TENM3: variants seen among roughly 807,000 people sequenced by gnomAD.
TENM3 encodes teneurin transmembrane protein 3.
Under a neutral mutation model 255.1 loss-of-function variants are expected in TENM3, and 63 were observed. The observed-to-expected ratio is 0.25, with a 90% CI of 0.20 to 0.30. TENM3 has a LOEUF of 0.30. Ranked by LOEUF, TENM3 falls within the 10% of genes least tolerant of loss-of-function variation. The pLI is 1.00. For missense variants in TENM3, 2,929 were observed against 3,461.1 expected, an observed-to-expected ratio of 0.85 and a Z score of 3.86; for synonymous variants, 1,306 against 1,322.3, an observed-to-expected ratio of 0.99 and a Z score of 0.27.
intron 3 of TENM3, among the ~76,000 whole-genome samples, chr4:182,531,240 T>G (rs1739753534): frequency 6.6e-6 from 1 of 152,216 alleles, no homozygotes; most frequent in South Asian, 2.1e-4. Context: ...ACTGTTTTGT[T>G]ATAAATAACT....
chr4:182,193,812 T>C (rs772777269), intron 1 of TENM3, among the ~76,000 whole-genome samples: 9 of 152,322 alleles, frequency 5.9e-5, no homozygotes, highest in Non-Finnish European at 1.3e-4. Flanking sequence ...TGAAATGCTT[T>C]TATTATAGTT....
At chr4:181,984,880 T>C in the TENM3 span, among the ~76,000 whole-genome samples, 1 of 149,200 alleles carries the variant, frequency 6.7e-6, no homozygotes, top group African/African-American at 2.5e-5. Context: ...CACTGCTGTA[T>C]GAAAATAAAA....
At chr4:182,031,145 T>G in the TENM3 span, among the ~76,000 whole-genome samples, 1 of 152,218 alleles carries the variant, frequency 6.6e-6, no homozygotes, top group African/African-American at 2.4e-5. Flanking sequence ...ATGTCCTGAA[T>G]GGTATTTCCC....
the TENM3 span, among the ~76,000 whole-genome samples, chr4:181,605,558 GAA>G: frequency 0.022 from 617 of 28,402 alleles, 37 homozygotes; most frequent in Admixed American, 0.031. Context: ...AAGAAAGAAA[GAA>G]AGAAAGAAAG....
chr4:182,522,398 C>A (rs997806902), intron 3 of TENM3, among the ~76,000 whole-genome samples: 1 of 152,138 alleles, frequency 6.6e-6, no homozygotes, highest in Non-Finnish European at 1.5e-5. Flanking sequence ...CCATGAGATC[C>A]ACTTTTCTCA....
At chr4:181,705,132 C>CATTAAATAA in the TENM3 span, among the ~76,000 whole-genome samples, 1 of 151,978 alleles carries the variant, frequency 6.6e-6, no homozygotes, top group Non-Finnish European at 1.5e-5. Context: ...GGGGAATGGT[C>CATTAAATAA]ATTAAATAAA....
chr4:181,694,597 G>A, the TENM3 span, among the ~76,000 whole-genome samples: 1 of 152,104 alleles, frequency 6.6e-6, no homozygotes. Context: ...TAGTTATACA[G>A]GACGAATATC....
the TENM3 span, among the ~76,000 whole-genome samples, chr4:181,481,270 T>A: frequency 4.6e-5 from 7 of 152,064 alleles, no homozygotes; most frequent in Admixed American, 2.6e-4. Context: ...TTCCTCCCAC[T>A]ACCATCTCCT....
chr4:181,459,139 T>A, the TENM3 span, among the ~76,000 whole-genome samples: 1 of 151,914 alleles, frequency 6.6e-6, no homozygotes, highest in Admixed American at 6.6e-5. Flanking sequence ...AATTGGCACA[T>A]CCCTAAAGAC....
chr4:181,713,212 C>A, the TENM3 span, among the ~76,000 whole-genome samples: 5 of 152,314 alleles, frequency 3.3e-5, no homozygotes, highest in Admixed American at 1.3e-4. Flanking sequence ...CTCGAAGAGT[C>A]ACTTTCCATG....
the TENM3 span, among the ~76,000 whole-genome samples, chr4:181,887,308 A>G: frequency 2.6e-5 from 4 of 152,206 alleles, no homozygotes; most frequent in Non-Finnish European, 5.9e-5. Flanking sequence ...TACAGTATGC[A>G]TTAAAAACTA....
the TENM3 span, among the ~76,000 whole-genome samples, chr4:182,128,539 T>C: frequency 6.6e-6 from 1 of 152,114 alleles, no homozygotes; most frequent in African/African-American, 2.4e-5. Context: ...TTTTAACTAG[T>C]GCTTCTATTG....
At chr4:182,161,372 C>T (rs1476833931) in intron 1 of TENM3, among the ~76,000 whole-genome samples, 2 of 119,076 alleles carry the variant, frequency 1.7e-5, no homozygotes, top group African/African-American at 3.2e-5. Flanking sequence ...GCCGAGATCG[C>T]GCCACTGCAC....
chr4:181,903,955 A>T, the TENM3 span, among the ~76,000 whole-genome samples: 1 of 152,066 alleles, frequency 6.6e-6, no homozygotes, highest in Non-Finnish European at 1.5e-5. Context: ...TAAAACAATG[A>T]TTTCCATGTA....
chr4:182,470,528 A>G (rs1048852999), intron 3 of TENM3, among the ~76,000 whole-genome samples: 1 of 152,196 alleles, frequency 6.6e-6, no homozygotes, highest in African/African-American at 2.4e-5. Context: ...TTTCAAAATG[A>G]GGAAAGGAGA....
chr4:182,144,515 G>GTC (rs1404259044), upstream of TENM3: 1 of 150,456 alleles, frequency 6.6e-6, no homozygotes. Context: ...GCGCGCGGGC[G>GTC]CCCTCCCCTC....
intron 3 of TENM3, among the ~76,000 whole-genome samples, chr4:182,396,817 C>A (rs1018143307): frequency 6.6e-6 from 1 of 151,958 alleles, no homozygotes; most frequent in East Asian, 1.9e-4. Flanking sequence ...CAAAAATTAG[C>A]CAGGTGTGGT....
the TENM3 span, among the ~76,000 whole-genome samples, chr4:181,968,948 A>G: frequency 4.6e-5 from 7 of 151,176 alleles, no homozygotes; most frequent in African/African-American, 1.7e-4. Context: ...AGCATTAACT[A>G]GAATACCTCT....
chr4:182,190,130 A>C (rs1236090223), intron 1 of TENM3: 1 of 152,170 alleles, frequency 6.6e-6, no homozygotes, highest in African/African-American at 2.4e-5. Flanking sequence ...ATTGTTAATA[A>C]ATTGGAGTTT....
Sources: allele counts gnomAD v4.1 joint callset (sites outside exome capture counted in the v4.1 genomes callset), GRCh38; gene constraint gnomAD v4.1.1; transcripts MANE v1.5; gene names NCBI Gene and HGNC (gene_info 2026-07-23, HGNC 2026-07-21).